The following EPM2A variants were observed in gnomAD, a reference collection of about 807,000 sequenced individuals.
EPM2A encodes the protein EPM2A glucan phosphatase, laforin, also known as laforin.
In EPM2A, 21 loss-of-function variants were observed where a neutral mutation model predicts 26.5. The ratio of observed to expected loss-of-function variants is 0.79; its 90% CI spans 0.56 to 1.14. The LOEUF (loss-of-function observed/expected upper bound fraction) is 1.14, where lower values mean the gene tolerates loss of function less well. EPM2A is among the 50% of genes most tolerant of loss of function. The pLI, the probability that EPM2A is intolerant of heterozygous loss-of-function variation, is 0.00. For synonymous variants in EPM2A, 217 were observed against 177.6 expected (o/e 1.22, Z -1.76); for missense variants, 458 against 440.8 (o/e 1.04, Z -0.35).
intron 2 of EPM2A, among the ~76,000 whole-genome samples, chr6:145,646,948 C>T (rs535001463): frequency 5.3e-5 from 8 of 152,276 alleles, no homozygotes; most frequent in Non-Finnish European, 1.5e-5. Flanking sequence ...CTCCCTATCC[C>T]TTCCCCCAGA....
chr6:145,505,253 A>C (rs1779954838), intron 2 of EPM2A, among the ~76,000 whole-genome samples: 1 of 152,026 alleles, frequency 6.6e-6, no homozygotes, highest in African/African-American at 2.4e-5. Context: ...AATTAAAAAA[A>C]AAAATTTATT....
chr6:145,576,128 G>A (rs541924089), intron 2 of EPM2A, among the ~76,000 whole-genome samples: 13 of 152,260 alleles, frequency 8.5e-5, no homozygotes, highest in African/African-American at 3.1e-4. Context: ...GAGCCACTGC[G>A]ACCAGCCTCC....
intron 4 of EPM2A, among the ~76,000 whole-genome samples, chr6:145,487,457 CA>C: frequency 6.6e-6 from 1 of 152,272 alleles, no homozygotes; most frequent in Middle Eastern, 3.4e-3. Context: ...ACACTCTCAC[CA>C]ACAGTGTATA....
chr6:145,566,997 G>A (rs1399185163), intron 2 of EPM2A, among the ~76,000 whole-genome samples: 5 of 152,110 alleles, frequency 3.3e-5, no homozygotes, highest in Admixed American at 6.6e-5. Context: ...AACATGCTTG[G>A]TGCACTTGCC....
chr6:145,612,228 T>G (rs1775406312), intron 2 of EPM2A, among the ~76,000 whole-genome samples: 2 of 152,216 alleles, frequency 1.3e-5, no homozygotes, highest in African/African-American at 4.8e-5. Context: ...TTTATTTATA[T>G]CTCTGTTTTT....
intron 1 of EPM2A, among the ~76,000 whole-genome samples, chr6:145,723,760 G>A (rs951470157): frequency 6.6e-6 from 1 of 152,046 alleles, no homozygotes; most frequent in African/African-American, 2.4e-5. Context: ...ATAGGGATGT[G>A]GGACTTTACT....
At chr6:145,698,014 C>T (rs191226358) in intron 1 of EPM2A, among the ~76,000 whole-genome samples, 4 of 152,224 alleles carry the variant, frequency 2.6e-5, no homozygotes, top group East Asian at 3.9e-4. Flanking sequence ...ATGAAATCTT[C>T]GCAATTTATG....
At chr6:145,646,749 C>T (rs1392978385) in intron 2 of EPM2A, among the ~76,000 whole-genome samples, 1 of 152,128 alleles carries the variant, frequency 6.6e-6, no homozygotes, top group Non-Finnish European at 1.5e-5. Context: ...TTATCTCTAG[C>T]TCAGACTTCA....
chr6:145,390,879 A>T (rs1304778349), intron 4 of EPM2A, among the ~76,000 whole-genome samples: 1 of 152,062 alleles, frequency 6.6e-6, no homozygotes, highest in African/African-American at 2.4e-5. Flanking sequence ...TTTCCATCTC[A>T]ATATGCAATT....
At chr6:145,629,979 C>T (rs1445124190) in intron 3 of EPM2A, 2 of 152,290 alleles carry the variant, frequency 1.3e-5, no homozygotes, top group Non-Finnish European at 2.9e-5. Flanking sequence ...TTCCCCAGAC[C>T]TGTTCTCTGG....
chr6:145,719,468 G>C (rs1775829823), intron 1 of EPM2A, among the ~76,000 whole-genome samples: 1 of 143,020 alleles, frequency 7.0e-6, no homozygotes, highest in Non-Finnish European at 1.5e-5. Flanking sequence ...TCTGGGGACT[G>C]TTGTGGGGTT....
intron 2 of EPM2A, among the ~76,000 whole-genome samples, chr6:145,608,271 A>G (rs1469694369): frequency 2.6e-5 from 4 of 152,232 alleles, no homozygotes; most frequent in Non-Finnish European, 5.9e-5. Flanking sequence ...ATAGGTATGT[A>G]TAGGATGTAT....
downstream of EPM2A, among the ~76,000 whole-genome samples, chr6:145,620,899 T>C (rs1398508751): frequency 6.6e-6 from 1 of 152,260 alleles, no homozygotes; most frequent in Non-Finnish European, 1.5e-5. Flanking sequence ...ATTACCACAA[T>C]CAAGCTAATT....
At chr6:145,399,727 C>A (rs1253939856) in intron 4 of EPM2A, among the ~76,000 whole-genome samples, 3 of 152,164 alleles carry the variant, frequency 2.0e-5, no homozygotes, top group Non-Finnish European at 4.4e-5. Flanking sequence ...ATGGCTCATA[C>A]CTCCCTTTGT....
chr6:145,571,703 G>A (rs908093631), intron 2 of EPM2A, among the ~76,000 whole-genome samples: 5 of 152,186 alleles, frequency 3.3e-5, no homozygotes, highest in African/African-American at 1.2e-4. Flanking sequence ...AGTGGCCGTA[G>A]CCAGGTCAGC....
chr6:145,443,721 C>T (rs1425773323), intron 4 of EPM2A, among the ~76,000 whole-genome samples: 2 of 152,046 alleles, frequency 1.3e-5, no homozygotes, highest in Non-Finnish European at 2.9e-5. Context: ...CAAATCTCAC[C>T]TTGTAGCTCC....
intron 2 of EPM2A, among the ~76,000 whole-genome samples, chr6:145,537,316 C>T (rs997655827): frequency 3.9e-5 from 6 of 152,118 alleles, no homozygotes; most frequent in South Asian, 2.1e-4. Flanking sequence ...TTCAATCTCT[C>T]GAAACCAATA....
intron 2 of EPM2A, among the ~76,000 whole-genome samples, chr6:145,603,652 TACC>T (rs1046171770): frequency 6.6e-6 from 1 of 152,242 alleles, no homozygotes; most frequent in African/African-American, 2.4e-5. Flanking sequence ...TTACCATTAT[TACC>T]ACATTTAACA....
intron 2 of EPM2A, among the ~76,000 whole-genome samples, chr6:145,518,595 CAAAAAAAAA>C (rs55802475): frequency 4.2e-4 from 43 of 102,658 alleles, no homozygotes; most frequent in Admixed American, 5.3e-4. Flanking sequence ...TGAAATGCAC[CAAAAAAAAA>C]AAAAAAAAAA....
Sources: allele counts gnomAD v4.1 joint callset (sites outside exome capture counted in the v4.1 genomes callset), GRCh38; gene constraint gnomAD v4.1.1; transcripts MANE v1.5; gene names NCBI Gene and HGNC (gene_info 2026-07-23, HGNC 2026-07-21).